PITPNM2: variants seen among roughly 807,000 people sequenced by gnomAD.
PITPNM2 encodes the protein membrane-associated phosphatidylinositol transfer protein 2.
A neutral mutation model predicts 132.2 loss-of-function variants in PITPNM2; 35 were observed. The ratio of observed to expected loss-of-function variants is 0.26; its 90% confidence interval spans 0.20 to 0.35. The LOEUF is 0.35. PITPNM2 is among the 10% of genes least tolerant of loss of function. The pLI, the probability that PITPNM2 is intolerant of heterozygous loss-of-function variation, is 1.00. For synonymous variants in PITPNM2, 738 were observed against 799.2 expected (o/e 0.92, Z 1.29); for missense variants, 1,332 against 1,912.0 (o/e 0.70, Z 5.66).
intron 8 of PITPNM2, among the ~76,000 whole-genome samples, chr12:123,003,888 C>G (rs2038802677): frequency 6.6e-6 from 1 of 152,210 alleles, no homozygotes; most frequent in African/African-American, 2.4e-5. Flanking sequence ...GGTGGTGCAT[C>G]TGCTGTATGG....
chr12:123,112,718 T>C (rs544512839), intron 1 of PITPNM2, among the ~76,000 whole-genome samples: 161 of 152,208 alleles, frequency 1.1e-3, no homozygotes, highest in African/African-American at 3.6e-3. Flanking sequence ...TTTTGTATTT[T>C]TAGTAGAGAC....
rs778874646 is a variant in PITPNM2 at position 123,064,230 on chromosome 12, C to T, written c.-95-29545G>A. 1.3e-5 allele frequency among the ~76,000 whole-genome samples: 2 copies of T among 152,346 alleles called. No homozygotes were observed. Among genetic ancestry groups the T allele is most frequent in the Admixed American group, 6.5e-5 (1 of 15,304 alleles). On this transcript the variant is annotated intron_variant, in intron 2 of 25. Transcript: ENST00000320201. This position sits in a 1 kb window ranked among gnomAD's most constrained non-coding sequence, Gnocchi z 4.0. ...CAGGCAGACAGACGCACTCTCCCCA[C>T]TCCAAATTGGAAAATGGAAACCAAG... is the stretch of plus-strand genomic sequence containing the variant.
chr12:123,059,030 AG>A (rs1391646063), intron 2 of PITPNM2, among the ~76,000 whole-genome samples: 1 of 152,206 alleles, frequency 6.6e-6, no homozygotes, highest in African/African-American at 2.4e-5. Flanking sequence ...CCAAGCCCAC[AG>A]CGAGGTGCTC....
At chr12:123,076,481 C>T (rs938329720) in intron 2 of PITPNM2, among the ~76,000 whole-genome samples, 5 of 152,202 alleles carry the variant, frequency 3.3e-5, no homozygotes, top group Admixed American at 6.5e-5. Flanking sequence ...GGCTCTGATG[C>T]TGTTATTAAA....
intron 3 of PITPNM2, 131 bp from the exon 4 acceptor site, chr12:123,014,173 G>C: frequency 1.1e-6 from 1 of 922,572 alleles, no homozygotes; most frequent in Non-Finnish European, 1.6e-6. Context: ...GGCTCCTCCT[G>C]TGTCACTTCC....
At chr12:123,054,951 C>T (rs1319317610) in intron 2 of PITPNM2, among the ~76,000 whole-genome samples, 4 of 152,082 alleles carry the variant, frequency 2.6e-5, no homozygotes, top group African/African-American at 9.7e-5. Context: ...GTAGTTCCAG[C>T]TATTCAGGAG....
Position 123,108,736 on chromosome 12 carries a change from A to G in PITPNM2, c.-96+1649T>C, listed in dbSNP as rs771843168. 1.3e-5 allele frequency among the ~76,000 whole-genome samples: 2 copies of G among 152,232 alleles called. No homozygotes were observed. Among genetic ancestry groups the G allele is most frequent in the Non-Finnish European group, 2.9e-5 (2 of 68,038 alleles). ...TGAAAAGAATGAGCAATTAGAGAAG[A>G]TAACAGTCCACGGTGCCAGCCTGGA... On this transcript the variant is annotated intron_variant, in intron 2 of 25. Transcript: ENST00000320201. The surrounding 1 kb of genome is among the most constrained non-coding windows in gnomAD (Gnocchi z 4.4).
At chr12:123,131,385 C>T (rs942594987) in intron 1 of PITPNM2, among the ~76,000 whole-genome samples, 4 of 152,104 alleles carry the variant, frequency 2.6e-5, no homozygotes, top group South Asian at 2.1e-4. Context: ...GGAGGGAGGC[C>T]GGGAACAGAT....
intron 1 of PITPNM2, among the ~76,000 whole-genome samples, chr12:123,125,841 CAAA>C (rs555279923): frequency 9.7e-5 from 5 of 51,618 alleles, no homozygotes; most frequent in African/African-American, 2.3e-4. Flanking sequence ...GACTCTGTCT[CAAA>C]AAAAAAAAAA....
rs1207390143 is a variant in PITPNM2 at position 123,111,754 on chromosome 12, A to G, written c.-199-1266T>C. Among the ~76,000 whole-genome samples the G allele has an allele frequency of 6.6e-6, 1 of 151,878 alleles. No homozygotes were observed. The highest frequency in any genetic ancestry group is 1.5e-5 in the Non-Finnish European group (1 of 67,976). ...ATGTACACACCCACATACACACTCA[A>G]CCCCCGGAACAGATGAAACAGCCCA... On this transcript the variant is annotated intron_variant, in intron 1 of 25. Coordinates refer to ENST00000320201, the MANE Select transcript of PITPNM2 (RefSeq NM_020845.3). This position sits in a 1 kb window ranked among gnomAD's most constrained non-coding sequence, Gnocchi z 4.1.
rs186518899 is a variant in PITPNM2 at position 123,142,587 on chromosome 12, C to G, written c.-200+8166G>C. Among the ~76,000 whole-genome samples the G allele has an allele frequency of 9.4e-4, 143 of 152,308 alleles. 1 individual carries two copies. The highest frequency in any genetic ancestry group is 3.4e-3 in the Middle Eastern group (1 of 294). On this transcript the variant is annotated intron_variant, in intron 1 of 25. Coordinates refer to ENST00000320201, the MANE Select transcript of PITPNM2 (RefSeq NM_020845.3). ...GGGAAGGCTGCAGGCCTCCCACCTC[C>G]CAGATGGTTCAACCACAATAAACGT...
In PITPNM2 at chr12:122,993,263, G is replaced by A. The variant is rs2038277285; in HGVS notation, c.2234-594C>T. 6.6e-6 allele frequency among the ~76,000 whole-genome samples: 1 copy of A among 152,186 alleles called. No homozygotes were observed. The highest frequency in any genetic ancestry group is 6.5e-5 in the Admixed American group (1 of 15,272). ...CCCCCGAAGCTCCAGCTCATCTTGC[G>A]GGAGCACCACCGAGTGCTGGCTAGG... On this transcript the variant is annotated intron_variant, in intron 15 of 25. Transcript: ENST00000320201. This position sits in a 1 kb window ranked among gnomAD's most constrained non-coding sequence, Gnocchi z 5.2.
intron 5 of PITPNM2, among the ~76,000 whole-genome samples, chr12:123,012,267 T>C (rs2039240234): frequency 6.6e-6 from 1 of 152,190 alleles, no homozygotes; most frequent in Non-Finnish European, 1.5e-5. Flanking sequence ...CAAGAGGACA[T>C]AGACCCCATT....
intron 2 of PITPNM2, among the ~76,000 whole-genome samples, chr12:123,096,548 A>G (rs988289179): frequency 6.6e-6 from 1 of 152,264 alleles, no homozygotes; most frequent in East Asian, 1.9e-4. Flanking sequence ...AATGAGAGAG[A>G]ACCCAAAAGG....
chr12:123,032,081 C>T (rs1425875921), intron 3 of PITPNM2, among the ~76,000 whole-genome samples: 1 of 152,208 alleles, frequency 6.6e-6, no homozygotes, highest in Admixed American at 6.5e-5. Flanking sequence ...GCTAGATGGA[C>T]GGGGCCTGGC....
chr12:123,007,024 C>T (rs1435979242), intron 6 of PITPNM2, among the ~76,000 whole-genome samples: 12 of 152,166 alleles, frequency 7.9e-5, no homozygotes, highest in Admixed American at 7.9e-4. Context: ...ACACCATCGC[C>T]GGCGACAGGG....
intron 1 of PITPNM2, among the ~76,000 whole-genome samples, chr12:123,114,005 T>TTATA (rs2042889610): frequency 6.6e-6 from 1 of 152,236 alleles, no homozygotes; most frequent in Non-Finnish European, 1.5e-5. Flanking sequence ...TTCACCAATG[T>TTATA]TATAGCATTT....
intron 6 of PITPNM2, chr12:123,007,284 G>A: frequency 2.2e-6 from 1 of 454,136 alleles, no homozygotes; most frequent in Non-Finnish European, 4.4e-6. Context: ...ATCCGTGTGT[G>A]TGTGAAATGC....
intron 1 of PITPNM2, among the ~76,000 whole-genome samples, chr12:123,146,515 A>C (rs1400323380): frequency 6.6e-6 from 1 of 152,134 alleles, no homozygotes; most frequent in Non-Finnish European, 1.5e-5. Flanking sequence ...AATCGCTTGA[A>C]TCTGGGAGGC....
Sources: gnomAD v4.1 joint callset for allele counts (sites outside exome capture counted in the v4.1 genomes callset) on GRCh38, gnomAD v4.1.1 for gene constraint, Gnocchi (gnomAD v3.1) non-coding constraint, MANE v1.5 for transcripts, NCBI Gene and HGNC (gene_info 2026-07-23, HGNC 2026-07-21) for gene names.